Variants in MAPK10 observed in about 807,000 individuals in gnomAD.
The protein encoded by MAPK10 is JNK3 alpha protein kinase.
MAPK10 carries 25 observed loss-of-function variants against 59.3 expected under a neutral mutation model. That is an observed-to-expected ratio of 0.42 (90% CI 0.31 to 0.59). The LOEUF (loss-of-function observed/expected upper bound fraction) is 0.59. Among genes scored for constraint, MAPK10 ranks in the 20% least tolerant of loss-of-function variants. The pLI, the probability that MAPK10 is intolerant of heterozygous loss-of-function variation, is 0.15. For synonymous variants in MAPK10, 190 were observed against 200.5 expected (o/e 0.95, Z 0.44); for missense variants, 351 against 568.9 (o/e 0.62, Z 3.90).
chr4:86,117,988 C>G (rs552235832), intron 4 of MAPK10: 2 of 152,318 alleles, frequency 1.3e-5, no homozygotes, highest in South Asian at 4.1e-4. Context: ...TGATTCAGCT[C>G]TTGGGTGTCT....
At chr4:86,370,512 T>G (rs1035199645) in intron 1 of MAPK10, among the ~76,000 whole-genome samples, 6 of 152,220 alleles carry the variant, frequency 3.9e-5, no homozygotes, top group Admixed American at 3.3e-4. Flanking sequence ...TGCTAGAGAT[T>G]AGAAAAAGAA....
intron 1 of MAPK10, among the ~76,000 whole-genome samples, chr4:86,504,211 T>C (rs564244934): frequency 6.6e-6 from 1 of 152,226 alleles, no homozygotes; most frequent in African/African-American, 2.4e-5. Context: ...TTACAACTAT[T>C]TTCCCAGAGC....
At chr4:86,460,410 A>G (rs936607730) in intron 1 of MAPK10, among the ~76,000 whole-genome samples, 2 of 152,152 alleles carry the variant, frequency 1.3e-5, no homozygotes, top group Admixed American at 6.5e-5. Context: ...ACCCAGAGGG[A>G]AGGGTAGAAT....
intron 1 of MAPK10, among the ~76,000 whole-genome samples, chr4:86,465,418 T>A (rs1752113086): frequency 2.0e-5 from 3 of 152,182 alleles, no homozygotes; most frequent in Middle Eastern, 3.4e-3. Context: ...AGAATGAATC[T>A]CTCCCTGAAA....
chr4:86,274,072 A>G (rs1460203166), intron 2 of MAPK10, among the ~76,000 whole-genome samples: 1 of 152,070 alleles, frequency 6.6e-6, no homozygotes, highest in Non-Finnish European at 1.5e-5. Context: ...GGAAAACACT[A>G]GTCTTCATAA....
chr4:86,110,231 T>C (rs186399826), intron 4 of MAPK10, among the ~76,000 whole-genome samples: 1 of 152,328 alleles, frequency 6.6e-6, no homozygotes, highest in Admixed American at 6.5e-5. Flanking sequence ...TTAGTTTAAT[T>C]AGATCCCATT....
upstream of MAPK10, chr4:86,453,552 C>T (rs1750964832): frequency 6.6e-6 from 1 of 151,350 alleles, no homozygotes; most frequent in South Asian, 2.1e-4. Flanking sequence ...ACTCTATTGA[C>T]CTGGGAACCT....
At chr4:86,106,015 A>G (rs977826412) in intron 5 of MAPK10, among the ~76,000 whole-genome samples, 2 of 152,180 alleles carry the variant, frequency 1.3e-5, no homozygotes, top group African/African-American at 2.4e-5. Flanking sequence ...CCAATAGAGC[A>G]TAACTCCACA....
At chr4:86,236,443 T>C (rs537359101) in intron 2 of MAPK10, among the ~76,000 whole-genome samples, 9 of 152,346 alleles carry the variant, frequency 5.9e-5, no homozygotes, top group Admixed American at 4.6e-4. Flanking sequence ...TTCTGAATCC[T>C]ACACTTTGGT....
chr4:86,349,080 T>G (rs899330169), intron 2 of MAPK10, among the ~76,000 whole-genome samples: 1 of 152,148 alleles, frequency 6.6e-6, no homozygotes, highest in Non-Finnish European at 1.5e-5. Flanking sequence ...TTTAGGAAAG[T>G]AAGGCAAATT....
chr4:86,131,863 C>A (rs2061065507), intron 4 of MAPK10, among the ~76,000 whole-genome samples: 1 of 152,122 alleles, frequency 6.6e-6, no homozygotes, highest in Non-Finnish European at 1.5e-5. Flanking sequence ...TGAGAAAACA[C>A]AGCCAAAATG....
At chr4:86,044,616 A>T in intron 11 of MAPK10, 1 of 395,988 alleles carries the variant, frequency 2.5e-6, no homozygotes, top group Non-Finnish European at 4.5e-6. Context: ...ATCATATACT[A>T]TGATTTTAAA....
intron 1 of MAPK10, among the ~76,000 whole-genome samples, chr4:86,393,432 T>A (rs1393098779): frequency 6.6e-6 from 1 of 152,162 alleles, no homozygotes; most frequent in African/African-American, 2.4e-5. Context: ...TCCTTCCATT[T>A]TTTAATAAAT....
intron 1 of MAPK10, among the ~76,000 whole-genome samples, chr4:86,471,195 G>A (rs1752625776): frequency 6.6e-6 from 1 of 150,890 alleles, no homozygotes; most frequent in South Asian, 2.1e-4. Flanking sequence ...CTTGAACCCA[G>A]GAGGTGGAGG....
intron 11 of MAPK10, among the ~76,000 whole-genome samples, chr4:86,060,242 G>C (rs983741833): frequency 1.3e-5 from 2 of 152,116 alleles, no homozygotes; most frequent in Non-Finnish European, 2.9e-5. Context: ...TGATTTATTT[G>C]AGTTTTGATG....
At chr4:86,272,926 C>A (rs113782136) in intron 2 of MAPK10, among the ~76,000 whole-genome samples, 35 of 152,162 alleles carry the variant, frequency 2.3e-4, no homozygotes, top group African/African-American at 7.2e-4. Context: ...TCCAGACATC[C>A]ACATTAGCAG....
In MAPK10 at chr4:86,131,717, A is replaced by T. The variant is rs977343775; in HGVS notation, c.237-24365T>A. Among the ~76,000 whole-genome samples the T allele has an allele frequency of 2.0e-5, 3 of 152,214 alleles. No homozygotes were observed. In the South Asian group the frequency reaches 6.2e-4, roughly 32 times the overall value. ...TAAGTAATGTAAAATGTTAACATTA[A>T]AAAGTGTTCTTCTTTACACTAAATA... On this transcript the variant is annotated intron_variant, in intron 4 of 13. Transcript: ENST00000641462.
At chr4:86,339,142 A>G (rs1196192989) in intron 2 of MAPK10, among the ~76,000 whole-genome samples, 3 of 152,180 alleles carry the variant, frequency 2.0e-5, no homozygotes, top group Non-Finnish European at 4.4e-5. Context: ...GTACAACAAG[A>G]GGTCATCCCA....
At chr4:86,110,878 T>C (rs977145323) in intron 4 of MAPK10, among the ~76,000 whole-genome samples, 4 of 152,218 alleles carry the variant, frequency 2.6e-5, no homozygotes, top group African/African-American at 9.6e-5. Context: ...GGAATGTTTT[T>C]TCATTTGTTT....
Sources: allele counts gnomAD v4.1 joint callset (sites outside exome capture counted in the v4.1 genomes callset), GRCh38; gene constraint gnomAD v4.1.1; transcripts MANE v1.5; gene names NCBI Gene and HGNC (gene_info 2026-07-23, HGNC 2026-07-21).